GRB10: variants seen among roughly 807,000 people sequenced by gnomAD.
The protein encoded by GRB10 is growth factor receptor bound protein 10, also known as growth factor receptor-bound protein 10.
A neutral mutation model predicts 80.9 loss-of-function variants in GRB10; 20 were observed. The observed-to-expected ratio is 0.25, with a 90% CI of 0.17 to 0.36. The LOEUF is 0.36. Ranked by LOEUF, GRB10 falls within the 10% of genes least tolerant of loss-of-function variation. The pLI is 1.00. For synonymous variants in GRB10, 291 were observed against 291.5 expected (o/e 1.00, Z 0.02); for missense variants, 548 against 747.7 (o/e 0.73, Z 3.12).
chr7:50,769,667 G>C (rs1195429052), intron 2 of GRB10, among the ~76,000 whole-genome samples: 1 of 152,116 alleles, frequency 6.6e-6, no homozygotes, highest in Admixed American at 6.5e-5. Flanking sequence ...CAGGGCCTCT[G>C]ACAGGGCACA....
intron 2 of GRB10, among the ~76,000 whole-genome samples, chr7:50,759,985 A>C (rs2286154): frequency 0.62 from 94,523 of 152,052 alleles, 32,144 homozygotes; most frequent in Middle Eastern, 0.87. Flanking sequence ...TCTAGGTCTC[A>C]ATTTCAGGGT....
upstream of GRB10, among the ~76,000 whole-genome samples, chr7:50,786,389 C>T (rs987308213): frequency 1.3e-5 from 2 of 152,198 alleles, no homozygotes; most frequent in East Asian, 3.8e-4. Flanking sequence ...CCTCAACATA[C>T]CCCACACACA....
intron 3 of GRB10, among the ~76,000 whole-genome samples, chr7:50,749,461 A>G (rs2073746204): frequency 6.6e-6 from 1 of 152,140 alleles, no homozygotes; most frequent in Admixed American, 6.5e-5. Flanking sequence ...TCTTTAATGT[A>G]TAATTGTGAG....
At chr7:50,665,549 C>T (rs1243741474) in intron 7 of GRB10, among the ~76,000 whole-genome samples, 1 of 152,198 alleles carries the variant, frequency 6.6e-6, no homozygotes, top group Non-Finnish European at 1.5e-5. Flanking sequence ...AGGTTTGGAA[C>T]CCATAACACG....
At chr7:50,658,728 T>C (rs901652305) in intron 7 of GRB10, among the ~76,000 whole-genome samples, 9 of 152,208 alleles carry the variant, frequency 5.9e-5, no homozygotes, top group Non-Finnish European at 8.8e-5. Context: ...TTAAAAGATA[T>C]TTGTACTCCG....
At chr7:50,743,560 G>A (rs931543352) in intron 3 of GRB10, among the ~76,000 whole-genome samples, 1 of 152,296 alleles carries the variant, frequency 6.6e-6, no homozygotes, top group South Asian at 2.1e-4. Context: ...CCACTCAACC[G>A]ATGAGAAAGA....
At chr7:50,776,738 T>C (rs779910207) in intron 2 of GRB10, among the ~76,000 whole-genome samples, 30 of 152,198 alleles carry the variant, frequency 2.0e-4, no homozygotes, top group Non-Finnish European at 3.4e-4. Flanking sequence ...GCAAGGACTG[T>C]CTTTCCTCCA....
At chr7:50,639,764 A>G (rs1271488608) in intron 7 of GRB10, among the ~76,000 whole-genome samples, 2 of 152,164 alleles carry the variant, frequency 1.3e-5, no homozygotes, top group African/African-American at 4.8e-5. Context: ...GGGGTGGACA[A>G]CAAGATTCAA....
intron 8 of GRB10, among the ~76,000 whole-genome samples, chr7:50,623,010 T>G (rs1045664673): frequency 1.2e-4 from 18 of 152,256 alleles, no homozygotes; most frequent in African/African-American, 4.1e-4. Context: ...AGGCTGACTG[T>G]TTAATATCAC....
intron 5 of GRB10, among the ~76,000 whole-genome samples, chr7:50,701,813 CTTG>C (rs1479705508): frequency 2.0e-5 from 3 of 152,134 alleles, no homozygotes; most frequent in Non-Finnish European, 1.5e-5. Context: ...CTCATTTTGT[CTTG>C]TTGTGTTTCA....
chr7:50,674,502 A>G lies in GRB10; in HGVS notation c.296T>C (p.Ile99Thr), dbSNP rs753286921. 4 of 1,609,472 alleles carry G rather than the reference A, an allele frequency of 2.5e-6. No homozygotes were observed. Among genetic ancestry groups the G allele is most frequent in the East Asian group, 2.2e-5 (1 of 44,870 alleles). The stretch of plus-strand genomic sequence containing the variant: ...CTGCCTCGGGGACACCTGTGGCTGG[A>G]TGGACCGAGGAGGGCCTGAAGCCCG... ...QPRASGPPRS[I>T]QPQVSPRQRV... Residue 99 changes from isoleucine to threonine, a missense_variant, in exon 6 of 19, where the codon ATC becomes ACC. Physicochemically the swap from Ile to Thr is moderately conservative, Grantham distance 89. This residue lies in a region of GRB10 where 245 missense variants were observed against 229.3 expected (regional missense o/e 1.07). Coordinates refer to ENST00000401949, the MANE Select transcript of GRB10 (RefSeq NM_001350814.2).
At chr7:50,792,700 C>T (rs964636267) in intron 1 of GRB10, 9 of 371,768 alleles carry the variant, frequency 2.4e-5, no homozygotes, top group African/African-American at 1.7e-4. Context: ...TTGGGAGTGT[C>T]TGGCACCACT....
chr7:50,711,054 A>G, intron 4 of GRB10: 2 of 723,700 alleles, frequency 2.8e-6, no homozygotes, highest in Admixed American at 3.8e-5. Flanking sequence ...CCAATGCCAC[A>G]GAGAGCAGAA....
At position 50,591,937 on chromosome 7, in the gene GRB10, C is replaced by T. The variant is rs899791434; in HGVS notation, c.*1015G>A. The T allele has an allele frequency of 2.0e-5, 3 of 152,228 alleles. No homozygotes were observed. Among genetic ancestry groups the T allele is most frequent in the African/African-American group, 7.2e-5 (3 of 41,444 alleles). 9.4% of individuals were successfully genotyped at this position (152,228 alleles called of 1,614,324 possible). On this transcript the variant is annotated 3_prime_UTR_variant, in exon 19 of 19. Coordinates refer to ENST00000401949, the MANE Select transcript of GRB10 (RefSeq NM_001350814.2). ...TTTCTCTTTAGATCCTTTAATCCCC[C>T]GAGGGACATCAGCCGTGAAACGACT...
intron 13 of GRB10, among the ~76,000 whole-genome samples, chr7:50,608,964 C>T (rs1208787163): frequency 1.0e-5 from 1 of 100,360 alleles, no homozygotes; most frequent in Non-Finnish European, 2.0e-5. Flanking sequence ...GACCCTGACT[C>T]AAAAAAAAAA....
At chr7:50,783,142 C>T (rs2078485448), upstream of GRB10, among the ~76,000 whole-genome samples, 1 of 152,228 alleles carries the variant, frequency 6.6e-6, no homozygotes, top group South Asian at 2.1e-4. Flanking sequence ...GGGGACATCG[C>T]GGCCGCGGCA....
chr7:50,689,996 G>GA (rs781688968), intron 5 of GRB10, among the ~76,000 whole-genome samples: 257 of 136,830 alleles, frequency 1.9e-3, no homozygotes, highest in Admixed American at 2.9e-3. Flanking sequence ...GGTTAAAAAG[G>GA]AAAAAAAAAA....
At chr7:50,755,669 C>T (rs565000709) in intron 3 of GRB10, among the ~76,000 whole-genome samples, 24 of 152,224 alleles carry the variant, frequency 1.6e-4, no homozygotes, top group African/African-American at 5.3e-4. Flanking sequence ...CATCCCTACC[C>T]GACTCAGCCC....
intron 4 of GRB10, among the ~76,000 whole-genome samples, chr7:50,718,500 C>A (rs984223985): frequency 6.6e-6 from 1 of 152,118 alleles, no homozygotes; most frequent in Non-Finnish European, 1.5e-5. Flanking sequence ...CTCACTGCTG[C>A]TTCCTGAGCA....
Sources: gnomAD v4.1 joint callset for allele counts (sites outside exome capture counted in the v4.1 genomes callset) on GRCh38, gnomAD v4.1.1 for gene constraint, gnomAD v4.1.1 regional missense constraint, MANE v1.5 for transcripts, NCBI Gene and HGNC (gene_info 2026-07-23, HGNC 2026-07-21) for gene names.